The following WDFY1 variants were observed in gnomAD, a reference collection of about 807,000 sequenced individuals.
The protein encoded by WDFY1 is WD repeat and FYVE domain-containing protein 1.
In WDFY1, 32 loss-of-function variants were observed where a neutral mutation model predicts 56.4. That is an observed-to-expected ratio of 0.57 (90% CI 0.43 to 0.76). WDFY1 has a LOEUF of 0.76. Among genes scored for constraint, WDFY1 ranks in the 30% least tolerant of loss-of-function variants. The probability of loss-of-function intolerance (pLI) is 0.00; values close to 1 mark genes in which losing one functional copy is unlikely to be tolerated. For synonymous variants in WDFY1, 192 were observed against 197.3 expected, an observed-to-expected ratio of 0.97 and a Z score of 0.23; for missense variants, 480 against 545.7, an observed-to-expected ratio of 0.88 and a Z score of 1.20.
At chr2:223,941,514 G>C (rs1390099479) in intron 1 of WDFY1, among the ~76,000 whole-genome samples, 1 of 151,994 alleles carries the variant, frequency 6.6e-6, no homozygotes, top group Non-Finnish European at 1.5e-5. Context: ...CCTTCTCTAG[G>C]AGGCTGTCCC....
chr2:223,895,071 A>C (rs765387418), intron 7 of WDFY1, among the ~76,000 whole-genome samples: 1 of 152,216 alleles, frequency 6.6e-6, no homozygotes, highest in Non-Finnish European at 1.5e-5. Context: ...TTAATTTAAT[A>C]TCTTTTAGAA....
intron 1 of WDFY1, among the ~76,000 whole-genome samples, chr2:223,926,403 C>G (rs903498742): frequency 2.6e-5 from 4 of 151,874 alleles, no homozygotes; most frequent in Admixed American, 2.6e-4. Context: ...AGTGCTGAGA[C>G]TACAAGCATG....
intron 1 of WDFY1, among the ~76,000 whole-genome samples, chr2:223,942,428 C>G (rs1169814877): frequency 6.6e-6 from 1 of 151,548 alleles, no homozygotes. Context: ...CCGTGTTAGC[C>G]AGGATGGTCT....
chr2:223,887,770 T>A (rs980309820), intron 8 of WDFY1, among the ~76,000 whole-genome samples: 3 of 152,188 alleles, frequency 2.0e-5, no homozygotes, highest in Non-Finnish European at 4.4e-5. Flanking sequence ...AGTTAAAATT[T>A]GGTTAAAAAA....
intron 3 of WDFY1, among the ~76,000 whole-genome samples, chr2:223,907,812 G>A (rs1693623452): frequency 6.6e-6 from 1 of 151,936 alleles, no homozygotes; most frequent in African/African-American, 2.4e-5. Context: ...CCCTTCCACT[G>A]GATCTTTCTT....
chr2:223,875,613 T>G lies in WDFY1; in HGVS notation c.*3058A>C, dbSNP rs1398457275. On this transcript the variant is annotated 3_prime_UTR_variant, in exon 12 of 12. Coordinates refer to ENST00000233055, the MANE Select transcript of WDFY1 (RefSeq NM_020830.5). The stretch of plus-strand genomic sequence containing the variant: ...GTTGCACAATTAAACTTCAACTTAC[T>G]CAAAGAGTTATTGTATTGTAAACTG... 1 of 152,228 alleles carries G rather than the reference T, an allele frequency of 6.6e-6. No homozygotes were observed. The highest frequency in any genetic ancestry group is 6.5e-5 in the Admixed American group (1 of 15,288). The allele number at this position is 152,228 out of a possible 1,614,324, so 9.4% of individuals were successfully genotyped here. A position where few individuals can be genotyped will look rare whatever the true frequency, so the allele number is the denominator to read the frequency against.
chr2:223,945,243 C>A lies in WDFY1; in HGVS notation c.42G>T (p.Pro14=). 1 of 1,590,998 alleles carries A rather than the reference C, an allele frequency of 6.3e-7. No homozygotes were observed. Among genetic ancestry groups the A allele is most frequent in the Non-Finnish European group, 8.5e-7 (1 of 1,172,788 alleles). ...GCCCCTCGATCTTGCTCAGCAGCAC[C>A]GGGCGGCTGCTCTGCGGCCTGGAGT... The part of the protein sequence containing the change: ...EIHSRPQSSR[P]VLLSKIEGHQ... The change falls in exon 1 of 12, where the codon CCG becomes CCT. Residue 14 remains proline (P), a synonymous_variant. Coordinates refer to ENST00000233055, the MANE Select transcript of WDFY1 (RefSeq NM_020830.5).
At chr2:223,880,056 C>G (rs1366876082) in intron 11 of WDFY1, 68 bp downstream of exon 11, 1 of 1,328,922 alleles carries the variant, frequency 7.5e-7, no homozygotes, top group East Asian at 2.3e-5. Flanking sequence ...GTGACTGTCT[C>G]CTGCACATTC....
chr2:223,932,913 C>T (rs577444393), intron 1 of WDFY1, among the ~76,000 whole-genome samples: 1 of 149,930 alleles, frequency 6.7e-6, no homozygotes, highest in Non-Finnish European at 1.5e-5. Context: ...GTTTCTATAA[C>T]ATTAAGACGT....
chr2:223,901,240 G>C lies in WDFY1; in HGVS notation c.428C>G (p.Thr143Arg). Reference protein sequence around the residue: ...GHDKCVSWMCTRSGNMLGRHF... With the variant: ...GHDKCVSWMCRRSGNMLGRHF... Reference sequence around the variant, plus strand: ...CCTCCCGAGCATGTTCCCGCTCCGCGTGCACATCCAGCTCACACACTTGTC... The same window carrying C: ...CCTCCCGAGCATGTTCCCGCTCCGCCTGCACATCCAGCTCACACACTTGTC... The change falls in exon 5 of 12, where the codon ACG becomes AGG. Residue 143 changes from threonine to arginine, a missense_variant. By Grantham distance (71) the Thr-to-Arg change is moderately conservative. Transcript: ENST00000233055. 3 of 1,614,096 alleles carry C rather than the reference G, an allele frequency of 1.9e-6. No individual in the cohort carries two copies. Among genetic ancestry groups the C allele is most frequent in the African/African-American group, 1.3e-5 (1 of 75,018 alleles).
At chr2:223,898,702 C>T (rs1693443091) in intron 6 of WDFY1, among the ~76,000 whole-genome samples, 1 of 152,040 alleles carries the variant, frequency 6.6e-6, no homozygotes, top group Non-Finnish European at 1.5e-5. Context: ...AATGTGCCAG[C>T]CATAACTTAA....
Position 223,912,311 on chromosome 2 carries a change from A to G in WDFY1, c.221T>C (p.Met74Thr). The change falls in exon 3 of 12, where the codon ATG (methionine) becomes ACG (threonine). Residue 74 changes from methionine (M) to threonine (T), a missense_variant. Physicochemically the swap from Met to Thr is moderately conservative, Grantham distance 81. Transcript: ENST00000233055. ...YHTMASPCSA[M>T]AYHHDSRRIF... ...CCGTCTGCTGTCATGATGGTAAGCC[A>G]TAGCAGAGCAAGGAGCTGCCAGAAA... 6.2e-7 allele frequency: 1 copy of G among 1,607,796 alleles called. No homozygotes were observed. The highest frequency in any genetic ancestry group is 8.5e-7 in the Non-Finnish European group (1 of 1,178,344).
chr2:223,910,043 C>G (rs1257925645), intron 3 of WDFY1, among the ~76,000 whole-genome samples: 1 of 152,218 alleles, frequency 6.6e-6, no homozygotes, highest in East Asian at 1.9e-4. Flanking sequence ...GGTGCCCTCC[C>G]TATATAGCCC....
intron 6 of WDFY1, among the ~76,000 whole-genome samples, chr2:223,896,129 C>G (rs1474474374): frequency 9.4e-6 from 1 of 106,032 alleles, no homozygotes; most frequent in Non-Finnish European, 1.8e-5. Context: ...GCGCTCCAGC[C>G]TGGGTGACAG....
chr2:223,912,392 T>TTGAC (rs2106089157), intron 2 of WDFY1, 66 bp from the exon 3 acceptor site: 1 of 1,376,646 alleles, frequency 7.3e-7, no homozygotes, highest in Non-Finnish European at 9.9e-7. Flanking sequence ...TTCAAAGTGA[T>TTGAC]TAAGAACTAT....
chr2:223,886,330 ACT>A (rs902076843), intron 8 of WDFY1, among the ~76,000 whole-genome samples: 35 of 152,208 alleles, frequency 2.3e-4, no homozygotes, highest in African/African-American at 8.2e-4. Flanking sequence ...CAAGAGCAAG[ACT>A]CTGTCTCAAA....
intron 2 of WDFY1, among the ~76,000 whole-genome samples, chr2:223,917,168 T>C (rs1469958): frequency 1.2e-4 from 19 of 152,176 alleles, no homozygotes; most frequent in Admixed American, 7.2e-4. Flanking sequence ...GATTTATTTA[T>C]AGAACATACC....
In WDFY1 at chr2:223,897,255, T is replaced by C. The variant is rs112685167; in HGVS notation, c.599-1625A>G. On this transcript the variant is annotated intron_variant, in intron 6 of 11. Transcript: ENST00000233055. The stretch of plus-strand genomic sequence containing the variant: ...GCCTCAAAGCTTGTACTTTGTGACA[T>C]ATATCAGAATGTGATCTTGTGATCT... Among the ~76,000 whole-genome samples, 851 of 151,574 alleles carry C rather than the reference T, an allele frequency of 5.6e-3. 4 individuals carry two copies. Among genetic ancestry groups the C allele is most frequent in the Non-Finnish European group, 7.9e-3 (533 of 67,886 alleles).
intron 11 of WDFY1, 82 bp from the exon 12 acceptor site, chr2:223,878,812 C>T (rs1693015063): frequency 1.3e-6 from 2 of 1,494,294 alleles, no homozygotes; most frequent in Non-Finnish European, 1.8e-6. Flanking sequence ...AAACAAACGA[C>T]TGTTAAACCT....
Sources: allele counts gnomAD v4.1 joint callset (sites outside exome capture counted in the v4.1 genomes callset), GRCh38; gene constraint gnomAD v4.1.1; transcripts MANE v1.5; gene names NCBI Gene and HGNC (gene_info 2026-07-23, HGNC 2026-07-21).